Variants in SEMA5A observed in about 807,000 individuals in gnomAD.
SEMA5A encodes the protein semaphorin 5A.
Under a neutral mutation model 135.5 loss-of-function variants are expected in SEMA5A, and 55 were observed. The ratio of observed to expected loss-of-function variants is 0.41; its 90% CI spans 0.33 to 0.51. SEMA5A has a LOEUF of 0.51. Ranked by LOEUF, SEMA5A falls within the 20% of genes least tolerant of loss-of-function variation. The pLI is 0.37. For missense variants in SEMA5A, 1,290 were observed against 1,419.9 expected, an observed-to-expected ratio of 0.91 and a Z score of 1.47; for synonymous variants, 580 against 546.5, an observed-to-expected ratio of 1.06 and a Z score of -0.85.
Position 9,225,800 on chromosome 5 carries a change from A to G in SEMA5A, c.433-913T>C, listed in dbSNP as rs143638362. 8.8e-4 allele frequency among the ~76,000 whole-genome samples: 134 copies of G among 152,136 alleles called. No homozygotes were observed. The East Asian group carries it at 0.024, about 27-fold the overall frequency. ...CCAAATGCTGGATTCCCAACCAGCC[A>G]TTGAATGAGAAAAGCTCTTGGGTAC... On this transcript the variant is annotated intron_variant, in intron 7 of 22. Coordinates refer to ENST00000382496, the MANE Select transcript of SEMA5A (RefSeq NM_003966.3).
intron 5 of SEMA5A, among the ~76,000 whole-genome samples, chr5:9,239,453 T>C (rs1748084516): frequency 1.3e-5 from 2 of 152,314 alleles, no homozygotes; most frequent in Middle Eastern, 3.4e-3. Context: ...TGCATAACTA[T>C]ATCCCCATGA....
intron 3 of SEMA5A, among the ~76,000 whole-genome samples, chr5:9,354,797 T>C (rs1442425217): frequency 1.3e-5 from 2 of 152,120 alleles, no homozygotes; most frequent in Non-Finnish European, 2.9e-5. Flanking sequence ...GGCCAGTCTG[T>C]GCAGGTAACA....
intron 5 of SEMA5A, among the ~76,000 whole-genome samples, chr5:9,316,965 C>T (rs1482442661): frequency 6.6e-6 from 1 of 152,066 alleles, no homozygotes; most frequent in African/African-American, 2.4e-5. Flanking sequence ...CTTCCCTGAC[C>T]TTCTGGGCCC....
chr5:9,093,737 G>A (rs1227257591), intron 16 of SEMA5A, among the ~76,000 whole-genome samples: 1 of 151,844 alleles, frequency 6.6e-6, no homozygotes, highest in Non-Finnish European at 1.5e-5. Context: ...GAATGACTGT[G>A]CACCCCCATG....
chr5:9,069,657 T>G (rs115853525), intron 16 of SEMA5A, among the ~76,000 whole-genome samples: 1 of 152,132 alleles, frequency 6.6e-6, no homozygotes, highest in African/African-American at 2.4e-5. Flanking sequence ...ACAGAAAATA[T>G]GTAAGGCGAT....
intron 2 of SEMA5A, among the ~76,000 whole-genome samples, chr5:9,397,469 G>A (rs1462871648): frequency 6.6e-6 from 1 of 152,118 alleles, no homozygotes; most frequent in African/African-American, 2.4e-5. Flanking sequence ...AAAACACTTA[G>A]AACAGTGCCA....
intron 2 of SEMA5A, among the ~76,000 whole-genome samples, chr5:9,396,246 G>GCACACACA (rs147262677): frequency 0.046 from 6,877 of 148,872 alleles, 229 homozygotes; most frequent in Admixed American, 0.1. Context: ...GCGCGTGCGT[G>GCACACACA]CACACACACA....
At chr5:9,335,742 T>C (rs1318679059) in intron 4 of SEMA5A, among the ~76,000 whole-genome samples, 1 of 152,124 alleles carries the variant, frequency 6.6e-6, no homozygotes, top group African/African-American at 2.4e-5. Flanking sequence ...GTGTCTGAGA[T>C]AAATTGTTAT....
intron 6 of SEMA5A, among the ~76,000 whole-genome samples, chr5:9,237,123 T>C (rs1308479738): frequency 6.6e-6 from 1 of 152,152 alleles, no homozygotes; most frequent in Non-Finnish European, 1.5e-5. Context: ...TGCTCCAATA[T>C]AAAGTAAGAA....
chr5:9,377,249 A>T (rs562651468), intron 3 of SEMA5A, among the ~76,000 whole-genome samples: 9 of 152,204 alleles, frequency 5.9e-5, no homozygotes, highest in Non-Finnish European at 1.3e-4. Context: ...GAGAACATAA[A>T]TATATATTTG....
chr5:9,046,641 G>A (rs1235065949), intron 21 of SEMA5A, among the ~76,000 whole-genome samples: 1 of 152,178 alleles, frequency 6.6e-6, no homozygotes, highest in Non-Finnish European at 1.5e-5. Context: ...TGCCATCAAG[G>A]CCTCACCTGT....
chr5:9,096,343 C>T (rs1269657170), intron 16 of SEMA5A, among the ~76,000 whole-genome samples: 1 of 152,096 alleles, frequency 6.6e-6, no homozygotes, highest in Non-Finnish European at 1.5e-5. Flanking sequence ...CTCCTCATTC[C>T]CCCTGCACTC....
chr5:9,522,364 C>T (rs1457342294), intron 1 of SEMA5A, among the ~76,000 whole-genome samples: 1 of 152,138 alleles, frequency 6.6e-6, no homozygotes, highest in African/African-American at 2.4e-5. Flanking sequence ...GGGCAGATCA[C>T]CTGAGGTCAG....
At chr5:9,384,595 G>GATAGATAGATAC (rs1755765932) in intron 2 of SEMA5A, among the ~76,000 whole-genome samples, 2 of 100,708 alleles carry the variant, frequency 2.0e-5, no homozygotes, top group Admixed American at 1.1e-4. Flanking sequence ...TAGATAGATA[G>GATAGATAGATAC]ATAGATAGAT....
At chr5:9,213,454 C>G (rs550351378) in intron 8 of SEMA5A, among the ~76,000 whole-genome samples, 1 of 152,128 alleles carries the variant, frequency 6.6e-6, no homozygotes, top group South Asian at 2.1e-4. Flanking sequence ...TAGGAGGGAG[C>G]TGTGATCTGA....
At chr5:9,100,775 T>A (rs1202429561) in intron 16 of SEMA5A, among the ~76,000 whole-genome samples, 2 of 152,172 alleles carry the variant, frequency 1.3e-5, no homozygotes, top group Admixed American at 1.3e-4. Context: ...GGATCCTACA[T>A]GTCTCGGAGG....
chr5:9,222,294 G>A (rs1049324836), intron 8 of SEMA5A, among the ~76,000 whole-genome samples: 25 of 152,236 alleles, frequency 1.6e-4, no homozygotes, highest in East Asian at 7.7e-4. Context: ...TCAGAGAAGC[G>A]AATCAGGGTC....
chr5:9,410,426 ACAGT>A (rs1234324212), intron 2 of SEMA5A, among the ~76,000 whole-genome samples: 4 of 152,196 alleles, frequency 2.6e-5, no homozygotes, highest in Non-Finnish European at 4.4e-5. Context: ...TGGGCATTCA[ACAGT>A]CAATCTCCGC....
rs767966854 is a variant in SEMA5A, at chr5:9,108,266, T to C, written c.1947A>G (p.Leu649=). Residue 649 remains leucine (L), a synonymous_variant, in exon 16 of 23, where the codon CTA becomes CTG. Transcript: ENST00000382496. ...REERYCNEHL[L]CPPHMFWTGW... The stretch of plus-strand genomic sequence containing the variant: ...CTGTCCAGAACATGTGTGGGGGACA[T>C]AGCAAATGTTCATTGCAGTATCTGT... The C allele has an allele frequency of 1.1e-5, 18 of 1,614,032 alleles. No homozygotes were observed. The highest frequency in any genetic ancestry group is 8.3e-5 in the Admixed American group (5 of 60,002).
Sources: allele counts gnomAD v4.1 joint callset (sites outside exome capture counted in the v4.1 genomes callset), GRCh38; gene constraint gnomAD v4.1.1; transcripts MANE v1.5; gene names NCBI Gene and HGNC (gene_info 2026-07-23, HGNC 2026-07-21).